CERKL: variants seen among roughly 807,000 people sequenced by gnomAD.
The protein encoded by CERKL is ceramide kinase-like protein.
Under a neutral mutation model 63.4 loss-of-function variants are expected in CERKL, and 61 were observed. That is an observed-to-expected ratio of 0.96 (90% CI 0.78 to 1.19). The LOEUF (loss-of-function observed/expected upper bound fraction) is 1.19. CERKL is among the 50% of genes most tolerant of loss of function. CERKL has a pLI of 0.00. For synonymous variants in CERKL, 250 were observed against 230.5 expected, an observed-to-expected ratio of 1.08 and a Z score of -0.77; for missense variants, 675 against 655.5, an observed-to-expected ratio of 1.03 and a Z score of -0.33.
At chr2:181,590,586 A>G (rs1049988573) in intron 2 of CERKL, among the ~76,000 whole-genome samples, 31 of 152,070 alleles carry the variant, frequency 2.0e-4, no homozygotes, top group African/African-American at 7.5e-4. Flanking sequence ...ATTGAGGAGG[A>G]AAAAAAACCA....
chr2:181,627,654 G>A (rs1268403489), intron 1 of CERKL, among the ~76,000 whole-genome samples: 1 of 152,146 alleles, frequency 6.6e-6, no homozygotes, highest in African/African-American at 2.4e-5. Context: ...GAAATTTGAT[G>A]ACAATCATCT....
At chr2:181,625,655 A>G (rs1686665939) in intron 1 of CERKL, among the ~76,000 whole-genome samples, 1 of 152,194 alleles carries the variant, frequency 6.6e-6, no homozygotes, top group South Asian at 2.1e-4. Flanking sequence ...GTAGGAAGAG[A>G]AAGCCTTAGA....
chr2:181,569,075 A>G (rs1185109594), intron 3 of CERKL, among the ~76,000 whole-genome samples: 1 of 151,858 alleles, frequency 6.6e-6, no homozygotes, highest in Non-Finnish European at 1.5e-5. Flanking sequence ...CAGAATAACC[A>G]TTTTCAGATA....
chr2:181,626,041 A>C (rs1686688666), intron 1 of CERKL, among the ~76,000 whole-genome samples: 1 of 105,616 alleles, frequency 9.5e-6, no homozygotes, highest in South Asian at 2.6e-4. Context: ...GATTGTGAGG[A>C]AGGACAGATA....
In CERKL at chr2:181,657,007, G is replaced by T; in HGVS notation, c.-1C>A. On this transcript the variant is annotated 5_prime_UTR_variant, in exon 1 of 13. Coordinates refer to ENST00000410087, the MANE Select transcript of CERKL (RefSeq NM_201548.5). ...GGTTCCTGCGCCTCCTCCAGGGCAT[G>T]GCGGAGTCGCAGGCTGGGCCCGAGC... is the stretch of plus-strand genomic sequence containing the variant. 6.3e-7 allele frequency: 1 copy of T among 1,579,480 alleles called. No individual in the cohort carries two copies. Among genetic ancestry groups the T allele is most frequent in the Non-Finnish European group, 8.6e-7 (1 of 1,168,472 alleles).
chr2:181,610,754 A>T (rs535787040), intron 1 of CERKL, among the ~76,000 whole-genome samples: 1 of 152,330 alleles, frequency 6.6e-6, no homozygotes, highest in South Asian at 2.1e-4. Flanking sequence ...TGAGGTATGA[A>T]ATATGAGACT....
chr2:181,624,983 G>A (rs927056209), intron 1 of CERKL, among the ~76,000 whole-genome samples: 2 of 152,158 alleles, frequency 1.3e-5, no homozygotes, highest in Admixed American at 6.6e-5. Flanking sequence ...AAATTTGAAA[G>A]ACATGAGCAT....
intron 2 of CERKL, among the ~76,000 whole-genome samples, chr2:181,578,357 T>A (rs1684348968): frequency 6.6e-6 from 1 of 152,086 alleles, no homozygotes; most frequent in Non-Finnish European, 1.5e-5. Context: ...TGGAGTGCAG[T>A]GGCATGATCT....
rs1433371895 is a variant in CERKL, at chr2:181,537,022, T to C, written c.*1162A>G. 2.2e-6 allele frequency: 1 copy of C among 446,466 alleles called. No homozygotes were observed. Among genetic ancestry groups the C allele is most frequent in the Non-Finnish European group, 4.5e-6 (1 of 223,082 alleles). 27.7% of individuals were successfully genotyped at this position (446,466 alleles called of 1,614,324 possible). Reference sequence around the variant, plus strand: ...CCTGCAGTGATGGTGAGGAATGTTCTGAGATTTGCGAAGGCATTTGAGTAG... The same window carrying C: ...CCTGCAGTGATGGTGAGGAATGTTCCGAGATTTGCGAAGGCATTTGAGTAG... On this transcript the variant is annotated 3_prime_UTR_variant, in exon 13 of 13. Transcript: ENST00000410087.
At chr2:181,576,066 A>G (rs1689122003) in intron 2 of CERKL, among the ~76,000 whole-genome samples, 1 of 152,224 alleles carries the variant, frequency 6.6e-6, no homozygotes, top group Admixed American at 6.5e-5. Context: ...ATATTGAATA[A>G]TAACAGTATT....
chr2:181,633,489 T>C (rs370453375), intron 1 of CERKL, among the ~76,000 whole-genome samples: 1 of 152,216 alleles, frequency 6.6e-6, no homozygotes, highest in East Asian at 1.9e-4. Context: ...GTGAACATAA[T>C]ACAAAATTGT....
rs541605860 is a variant in CERKL at position 181,616,447 on chromosome 2, C to T, written c.239-12368G>A. Among the ~76,000 whole-genome samples, 14 of 152,032 alleles carry T rather than the reference C, an allele frequency of 9.2e-5. No homozygotes were observed. The East Asian group carries it at 1.6e-3, about 17-fold the overall frequency. ...CAGGACGGTCTCAATCTCCTGACCT[C>T]GTGATCCGCCTGCCTCGGCCTCCCA... On this transcript the variant is annotated intron_variant, in intron 1 of 12. Transcript: ENST00000410087.
intron 3 of CERKL, among the ~76,000 whole-genome samples, chr2:181,571,634 T>C (rs1688907208): frequency 6.6e-6 from 1 of 152,140 alleles, no homozygotes; most frequent in Non-Finnish European, 1.5e-5. Context: ...TGAGTGCAGC[T>C]TAAGGATCCA....
At chr2:181,585,937 C>T (rs1330565814) in intron 2 of CERKL, among the ~76,000 whole-genome samples, 2 of 152,104 alleles carry the variant, frequency 1.3e-5, no homozygotes, top group South Asian at 2.1e-4. Flanking sequence ...TCATCCCCAT[C>T]GGGGCACAGA....
chr2:181,649,389 AC>A (rs1239801274), intron 1 of CERKL, among the ~76,000 whole-genome samples: 1 of 152,248 alleles, frequency 6.6e-6, no homozygotes, highest in Non-Finnish European at 1.5e-5. Flanking sequence ...ATACCTAAGT[AC>A]CCAGATACAT....
At chr2:181,629,817 A>C (rs952957677) in intron 1 of CERKL, among the ~76,000 whole-genome samples, 4 of 152,098 alleles carry the variant, frequency 2.6e-5, no homozygotes, top group Non-Finnish European at 1.5e-5. Context: ...AGTTCCACAG[A>C]GTTAGAGTTG....
chr2:181,641,302 CATATATATATATATATAT>C (rs1174454591), intron 1 of CERKL, among the ~76,000 whole-genome samples: 32 of 97,118 alleles, frequency 3.3e-4, no homozygotes, highest in African/African-American at 1.1e-3. Flanking sequence ...TATGTGTATG[CATATATATATATATATAT>C]ATATATATAT....
At chr2:181,620,470 C>A (rs1373058112) in intron 1 of CERKL, among the ~76,000 whole-genome samples, 1 of 152,064 alleles carries the variant, frequency 6.6e-6, no homozygotes, top group African/African-American at 2.4e-5. Flanking sequence ...TTCAGTTATC[C>A]CCTCAATGCT....
chr2:181,594,788 C>T (rs1396659820), intron 2 of CERKL, among the ~76,000 whole-genome samples: 1 of 152,084 alleles, frequency 6.6e-6, no homozygotes, highest in Non-Finnish European at 1.5e-5. Flanking sequence ...AAACTATTAC[C>T]AGAATGCTTC....
Sources: gnomAD v4.1 joint callset for allele counts (sites outside exome capture counted in the v4.1 genomes callset) on GRCh38, gnomAD v4.1.1 for gene constraint, MANE v1.5 for transcripts, NCBI Gene and HGNC (gene_info 2026-07-23, HGNC 2026-07-21) for gene names.